Variants in SEC14L1 observed in about 807,000 individuals in gnomAD.
SEC14L1 encodes SEC14 like lipid binding 1, also known as SEC14-like protein 1.
SEC14L1 carries 48 observed loss-of-function variants against 85.3 expected under a neutral mutation model. That is an observed-to-expected ratio of 0.56 (90% CI 0.45 to 0.72). SEC14L1 has a LOEUF of 0.72. SEC14L1 is among the 30% of genes least tolerant of loss of function. The pLI, the probability that SEC14L1 is intolerant of heterozygous loss-of-function variation, is 0.00. For synonymous variants in SEC14L1, 391 were observed against 355.5 expected, an observed-to-expected ratio of 1.10 and a Z score of -1.12; for missense variants, 682 against 921.4, an observed-to-expected ratio of 0.74 and a Z score of 3.36.
intron 7 of SEC14L1, among the ~76,000 whole-genome samples, chr17:77,195,736 C>T (rs113965907): frequency 6.6e-6 from 1 of 152,288 alleles, no homozygotes; most frequent in African/African-American, 2.4e-5. Flanking sequence ...GATCTGGCCA[C>T]CTCAGCCTCC....
Position 77,214,522 on chromosome 17 carries a change from A to T in SEC14L1, c.*499A>T. 1 of 996,580 alleles carries T rather than the reference A, an allele frequency of 1.0e-6. No individual in the cohort carries two copies. The highest frequency in any genetic ancestry group is 1.2e-6 in the Non-Finnish European group (1 of 836,214). 61.7% of individuals were successfully genotyped at this position (996,580 alleles called of 1,614,324 possible). A position where few individuals can be genotyped will look rare whatever the true frequency, so the allele number is the denominator to read the frequency against. On this transcript the variant is annotated 3_prime_UTR_variant, in exon 17 of 17. Coordinates refer to ENST00000436233, the MANE Select transcript of SEC14L1 (RefSeq NM_001143998.2). Reference sequence around the variant, plus strand: ...TCCCGCCAGTCAAGATGGTCTGTGGACTTAGGGCCAGCCCTTGAGGTCCTT... The same window carrying T: ...TCCCGCCAGTCAAGATGGTCTGTGGTCTTAGGGCCAGCCCTTGAGGTCCTT...
At chr17:77,198,489 CCACAAG>C (rs1567927126) in intron 8 of SEC14L1, among the ~76,000 whole-genome samples, 1 of 152,150 alleles carries the variant, frequency 6.6e-6, no homozygotes. Flanking sequence ...AGTCCTTTAA[CCACAAG>C]CCAGCCTTAG....
chr17:77,172,678 C>T (rs1342333196), intron 3 of SEC14L1, among the ~76,000 whole-genome samples: 3 of 152,174 alleles, frequency 2.0e-5, no homozygotes, highest in Non-Finnish European at 4.4e-5. Flanking sequence ...GGAGCTTTAA[C>T]ATCCCCTGCC....
chr17:77,095,786 C>A (rs1196256806), intron 3 of SEC14L1, among the ~76,000 whole-genome samples: 1 of 151,580 alleles, frequency 6.6e-6, no homozygotes, highest in Non-Finnish European at 1.5e-5. Context: ...CACTGCACTC[C>A]AGCCTAGAAG....
chr17:77,187,166 A>G (rs1222014129), intron 3 of SEC14L1, among the ~76,000 whole-genome samples: 1 of 152,142 alleles, frequency 6.6e-6, no homozygotes, highest in Non-Finnish European at 1.5e-5. Context: ...ATCCGAAAAA[A>G]TTCTGAAATC....
chr17:77,143,420 A>G, intron 2 of SEC14L1, 147 bp from the exon 3 acceptor site: 2 of 551,716 alleles, frequency 3.6e-6, no homozygotes, highest in Non-Finnish European at 3.2e-6. Flanking sequence ...GTATTTAAAT[A>G]TCATCTTTTC....
chr17:77,209,793 C>T (rs1976658161), intron 14 of SEC14L1: 1 of 232,396 alleles, frequency 4.3e-6, no homozygotes, highest in Non-Finnish European at 8.4e-6. Context: ...GCACTTAACT[C>T]CTGAATTTAG....
chr17:77,122,161 T>C lies in SEC14L1; in HGVS notation c.-135-20485T>C, dbSNP rs547184206. On this transcript the variant is annotated intron_variant, in intron 3 of 19. Transcript: ENST00000392476. ...ATTTGAATTTTTTACACACAGTAGG[T>C]GGATTGCTTCTGTTATCACATCATA... Among the ~76,000 whole-genome samples the C allele has an allele frequency of 2.1e-3, 314 of 152,328 alleles. 2 individuals carry two copies. The highest frequency in any genetic ancestry group is 2.7e-3 in the Non-Finnish European group (182 of 68,032).
rs756543572 is a variant in SEC14L1 at position 77,216,578 on chromosome 17, A to G, written c.*2555A>G. On this transcript the variant is annotated 3_prime_UTR_variant, in exon 17 of 17. Coordinates refer to ENST00000436233, the MANE Select transcript of SEC14L1 (RefSeq NM_001143998.2). ...CGATTTTGCTGACAGCTGCCAAGAAAATGCTTCACTCAACAGTCCTCATGT... is the reference window on the plus strand; with the variant it reads ...CGATTTTGCTGACAGCTGCCAAGAAGATGCTTCACTCAACAGTCCTCATGT... 6.2e-7 allele frequency: 1 copy of G among 1,613,348 alleles called. No individual in the cohort carries two copies. Among genetic ancestry groups the G allele is most frequent in the Non-Finnish European group, 8.5e-7 (1 of 1,179,472 alleles).
intron 9 of SEC14L1, 129 bp from the exon 10 acceptor site, chr17:77,203,441 A>T (rs1477978633): frequency 1.6e-5 from 12 of 730,014 alleles, no homozygotes; most frequent in Non-Finnish European, 2.5e-5. Context: ...GCCACTTCTA[A>T]GAATCAGAAA....
chr17:77,144,172 C>G (rs1246873091), intron 3 of SEC14L1, among the ~76,000 whole-genome samples: 2 of 152,158 alleles, frequency 1.3e-5, no homozygotes, highest in African/African-American at 2.4e-5. Context: ...TTACTAGATG[C>G]AAAGCAAACC....
At chr17:77,102,165 A>G (rs1392592102) in intron 3 of SEC14L1, among the ~76,000 whole-genome samples, 9 of 152,400 alleles carry the variant, frequency 5.9e-5, no homozygotes, top group African/African-American at 2.2e-4. Context: ...TGAGCATCAC[A>G]GGCAGCCCAC....
At chr17:77,133,708 GC>G (rs1972687906) in intron 3 of SEC14L1, among the ~76,000 whole-genome samples, 1 of 152,112 alleles carries the variant, frequency 6.6e-6, no homozygotes, top group African/African-American at 2.4e-5. Flanking sequence ...GGAGGCCGAG[GC>G]GGGTGGATCA....
At chr17:77,191,508 G>A (rs980637686) in intron 5 of SEC14L1, among the ~76,000 whole-genome samples, 196 bp downstream of exon 5, 11 of 152,100 alleles carry the variant, frequency 7.2e-5, no homozygotes, top group Non-Finnish European at 1.5e-4. Context: ...TGTCGTGGCA[G>A]TTAAGGCAGC....
At chr17:77,144,251 G>A (rs969225424) in intron 3 of SEC14L1, among the ~76,000 whole-genome samples, 1 of 152,010 alleles carries the variant, frequency 6.6e-6, no homozygotes, top group African/African-American at 2.4e-5. Context: ...TTATTATTAA[G>A]ATATAACATA....
At chr17:77,164,716 G>A (rs533655893) in intron 3 of SEC14L1, among the ~76,000 whole-genome samples, 1 of 152,186 alleles carries the variant, frequency 6.6e-6, no homozygotes, top group Non-Finnish European at 1.5e-5. Flanking sequence ...GGGTGGGTGC[G>A]GGTGAGGGTG....
chr17:77,176,618 G>A (rs1034981456), intron 3 of SEC14L1, among the ~76,000 whole-genome samples: 2 of 152,092 alleles, frequency 1.3e-5, no homozygotes, highest in Non-Finnish European at 2.9e-5. Flanking sequence ...ACAGAGTCTC[G>A]CTCTGTTGTC....
At chr17:77,170,416 A>G (rs1278981702) in intron 3 of SEC14L1, among the ~76,000 whole-genome samples, 3 of 152,118 alleles carry the variant, frequency 2.0e-5, no homozygotes, top group Non-Finnish European at 2.9e-5. Flanking sequence ...CTTCTTTCCA[A>G]CTTCTGACGA....
chr17:77,097,910 G>A (rs2143299137), intron 3 of SEC14L1, among the ~76,000 whole-genome samples: 1 of 152,266 alleles, frequency 6.6e-6, no homozygotes, highest in East Asian at 1.9e-4. Context: ...AGGAGCACGG[G>A]ATGGGGTTTG....
Sources: allele counts gnomAD v4.1 joint callset (sites outside exome capture counted in the v4.1 genomes callset), GRCh38; gene constraint gnomAD v4.1.1; transcripts MANE v1.5; gene names NCBI Gene and HGNC (gene_info 2026-07-23, HGNC 2026-07-21).